The following EDRF1 variants were observed in gnomAD, a reference collection of about 807,000 sequenced individuals.
EDRF1 encodes erythroid differentiation regulatory factor 1.
In EDRF1, 69 loss-of-function variants were observed where a neutral mutation model predicts 148.7. That is an observed-to-expected ratio of 0.46 (90% CI 0.38 to 0.57). EDRF1 has a LOEUF of 0.57. Ranked by LOEUF, EDRF1 falls within the 20% of genes least tolerant of loss-of-function variation. EDRF1 has a pLI of 0.00. For synonymous variants in EDRF1, 515 were observed against 532.8 expected (o/e 0.97, Z 0.46); for missense variants, 1,118 against 1,478.7 (o/e 0.76, Z 4.00).
intron 21 of EDRF1, 173 bp downstream of exon 21, chr10:125,748,185 T>A (rs1241772192): frequency 5.4e-6 from 4 of 745,168 alleles, no homozygotes; most frequent in Non-Finnish European, 9.2e-6. Flanking sequence ...ACTTAAACAA[T>A]ATGTCCGCAT....
chr10:125,740,940 C>G (rs1848986809), intron 16 of EDRF1, 61 bp from the exon 17 acceptor site: 1 of 1,521,130 alleles, frequency 6.6e-7, no homozygotes, highest in Non-Finnish European at 9.1e-7. Context: ...TTCATATTTC[C>G]TATGATCATT....
At chr10:125,761,022 G>C (rs1459363440) in intron 24 of EDRF1, among the ~76,000 whole-genome samples, 1 of 152,122 alleles carries the variant, frequency 6.6e-6, no homozygotes, top group Non-Finnish European at 1.5e-5. Context: ...GGAGGGTCCT[G>C]GAACCAATCC....
chr10:125,728,086 C>T (rs1848343848), intron 6 of EDRF1, among the ~76,000 whole-genome samples: 1 of 151,486 alleles, frequency 6.6e-6, no homozygotes, highest in African/African-American at 2.4e-5. Flanking sequence ...CCTGTAATCC[C>T]AGCTACTCGG....
At chr10:125,728,370 T>C (rs1848357114) in intron 6 of EDRF1, among the ~76,000 whole-genome samples, 2 of 152,160 alleles carry the variant, frequency 1.3e-5, no homozygotes, top group African/African-American at 2.4e-5. Flanking sequence ...CAAAAGTGAG[T>C]ACCTGGTAAA....
At chr10:125,754,710 G>A (rs1849812816) in intron 24 of EDRF1, among the ~76,000 whole-genome samples, 1 of 152,136 alleles carries the variant, frequency 6.6e-6, no homozygotes, top group African/African-American at 2.4e-5. Context: ...TACTAGATCA[G>A]GAAAGTAATA....
rs910651724 is a variant in EDRF1 at position 125,763,248 on chromosome 10, G to C, written c.3546-53G>C. On this transcript the variant is annotated intron_variant, in intron 24 of 24. Transcript: ENST00000356792. This position sits in a 1 kb window ranked among gnomAD's most constrained non-coding sequence, Gnocchi z 4.3. ...GTCCGGTTTTCTGGACCTCTGAATT[G>C]TCGGTAGGCATTGCTGGTCCCTTAC... 16 of 1,551,938 alleles carry C rather than the reference G, an allele frequency of 1.0e-5. No individual in the cohort carries two copies. Among genetic ancestry groups the C allele is most frequent in the East Asian group, 2.2e-5 (1 of 44,604 alleles).
chr10:125,725,017 AC>A (rs756126086), intron 4 of EDRF1, among the ~76,000 whole-genome samples: 2 of 152,346 alleles, frequency 1.3e-5, no homozygotes, highest in East Asian at 3.9e-4. Flanking sequence ...GGTTATAAAC[AC>A]ATACACAGAT....
intron 24 of EDRF1, among the ~76,000 whole-genome samples, chr10:125,757,666 C>CT (rs1420711805): frequency 1.1e-4 from 17 of 152,076 alleles, no homozygotes; most frequent in Admixed American, 6.5e-5. Flanking sequence ...AGTTTTTATT[C>CT]TTTTTTCAGT....
intron 12 of EDRF1, 86 bp from the exon 13 acceptor site, chr10:125,735,558 T>C: frequency 7.4e-7 from 1 of 1,347,838 alleles, no homozygotes; most frequent in East Asian, 2.4e-5. Flanking sequence ...TGTGCAGACC[T>C]CCTCCTAAAA....
chr10:125,729,901 ATTT>A (rs1479264183), intron 8 of EDRF1, among the ~76,000 whole-genome samples: 2 of 152,128 alleles, frequency 1.3e-5, no homozygotes, highest in African/African-American at 4.8e-5. Flanking sequence ...ACTTGTGAGC[ATTT>A]TTCTTAATGC....
At chr10:125,738,530 C>A (rs1848849953) in intron 15 of EDRF1, 85 bp downstream of exon 15, 1 of 1,522,806 alleles carries the variant, frequency 6.6e-7, no homozygotes, top group Non-Finnish European at 9.1e-7. Flanking sequence ...TCAATTAAGG[C>A]ATTAATTGAA....
At chr10:125,721,091 GGC>G in intron 1 of EDRF1, 111 bp from the exon 2 acceptor site, 1 of 962,576 alleles carries the variant, frequency 1.0e-6, no homozygotes. Flanking sequence ...AGTAACATGT[GGC>G]ATACGTTCCT....
chr10:125,739,193 A>C (rs74162854), intron 15 of EDRF1, among the ~76,000 whole-genome samples: 3,416 of 152,012 alleles, frequency 0.022, 134 homozygotes, highest in African/African-American at 0.077. Context: ...CGCTTTCTGG[A>C]CCCTTCTTCT....
At chr10:125,728,724 A>C (rs891993452) in intron 6 of EDRF1, among the ~76,000 whole-genome samples, 1 of 152,218 alleles carries the variant, frequency 6.6e-6, no homozygotes, top group Non-Finnish European at 1.5e-5. Context: ...AATCAGATGC[A>C]CCAAAAAAGA....
chr10:125,719,885 C>T lies in EDRF1; in HGVS notation c.78C>T (p.Ser26=). Residue 26 remains serine (S), a synonymous_variant, in exon 1 of 25, where the codon TCC becomes TCT. Transcript: ENST00000356792. ...CTCGAGGAGGGCTCAGCCTCCTGTC[C>T]CAGGGAGAATCCGAGGAATCTTCTG... is the stretch of plus-strand genomic sequence containing the variant. The part of the protein sequence containing the change: ...AAARGGLSLL[S]QGESEESSAQ... 4 of 1,613,266 alleles carry T rather than the reference C, an allele frequency of 2.5e-6. No homozygotes were observed. The highest frequency in any genetic ancestry group is 1.1e-5 in the South Asian group (1 of 91,058).
intron 12 of EDRF1, among the ~76,000 whole-genome samples, 172 bp from the exon 13 acceptor site, chr10:125,735,472 C>T (rs1251931731): frequency 6.6e-6 from 1 of 152,114 alleles, no homozygotes; most frequent in African/African-American, 2.4e-5. Flanking sequence ...TTTTGCAGAG[C>T]ATACCCAGAG....
chr10:125,753,983 A>G (rs2133757915), intron 24 of EDRF1, 138 bp downstream of exon 24: 1 of 870,270 alleles, frequency 1.1e-6, no homozygotes. Flanking sequence ...TGGGAGGCCA[A>G]GGCAGGCAGA....
chr10:125,731,852 T>C (rs1291197488), intron 9 of EDRF1: 2 of 452,760 alleles, frequency 4.4e-6, no homozygotes, highest in African/African-American at 2.0e-5. Context: ...TTTACCTTAT[T>C]TGATCTTCTT....
chr10:125,721,211 C>A lies in EDRF1; in HGVS notation c.116C>A (p.Ala39Asp), dbSNP rs1238611633. The part of the protein sequence containing the change: ...ESEESSAQGS[A>D]LFLGGNEVKS... Reference sequence around the variant, plus strand: ...ACCCAATGTGTTAATTAGGGATCAGCTTTATTTCTTGGAGGCAATGAAGTG... The same window carrying A: ...ACCCAATGTGTTAATTAGGGATCAGATTTATTTCTTGGAGGCAATGAAGTG... Residue 39 changes from alanine to aspartate, a missense_variant, in exon 2 of 25, where the codon GCT (alanine) becomes GAT (aspartate). Physicochemically the swap from Ala to Asp is moderately radical, Grantham distance 126. Around this residue, in one of 3 missense-constraint regions of EDRF1, gnomAD observed 65 missense variants for 50.3 expected, o/e 1.29. Coordinates refer to ENST00000356792, the MANE Select transcript of EDRF1 (RefSeq NM_001202438.2). 6.2e-7 allele frequency: 1 copy of A among 1,614,104 alleles called. No homozygotes were observed. The highest frequency in any genetic ancestry group is 2.2e-5 in the East Asian group (1 of 44,878).
Sources: allele counts gnomAD v4.1 joint callset (sites outside exome capture counted in the v4.1 genomes callset), GRCh38; gene constraint gnomAD v4.1.1; regional missense constraint gnomAD v4.1.1; non-coding constraint Gnocchi (gnomAD v3.1); transcripts MANE v1.5; gene names NCBI Gene and HGNC (gene_info 2026-07-23, HGNC 2026-07-21).